GOLGA1: variants seen among roughly 807,000 people sequenced by gnomAD.
GOLGA1 encodes the protein golgin A1, also known as golgin subfamily A member 1.
Under a neutral mutation model 119.7 loss-of-function variants are expected in GOLGA1, and 63 were observed. The observed-to-expected ratio is 0.53, with a 90% confidence interval of 0.43 to 0.65. The LOEUF (loss-of-function observed/expected upper bound fraction) is 0.65, where lower values mean the gene tolerates loss of function less well. GOLGA1 is among the 30% of genes least tolerant of loss of function. GOLGA1 has a pLI of 0.00. For missense variants in GOLGA1, 798 were observed against 912.8 expected (o/e 0.87, Z 1.62); for synonymous variants, 318 against 333.4 (o/e 0.95, Z 0.50).
At chr9:124,914,334 A>G (rs1433552401) in intron 10 of GOLGA1, among the ~76,000 whole-genome samples, 1 of 152,124 alleles carries the variant, frequency 6.6e-6, no homozygotes, top group Non-Finnish European at 1.5e-5. Context: ...CATCTCTACT[A>G]AAAATACAAA....
chr9:124,938,732 G>A lies in GOLGA1; in HGVS notation c.-21C>T. The A allele has an allele frequency of 1.3e-5, 21 of 1,605,582 alleles. No homozygotes were observed. Among genetic ancestry groups the A allele is most frequent in the Non-Finnish European group, 1.8e-5 (21 of 1,175,812 alleles). On this transcript the variant is annotated 5_prime_UTR_variant, in exon 3 of 23. Coordinates refer to ENST00000373555, the MANE Select transcript of GOLGA1 (RefSeq NM_002077.4). The stretch of plus-strand genomic sequence containing the variant: ...AACATGTTTGCTGTGTGGCTATCCT[G>A]CACAGATGACGAGCTCTCAGTAGTC...
rs1829793896 is a variant in GOLGA1, at chr9:124,889,046, G to A, written c.1761+97C>T. The A allele has an allele frequency of 1.3e-5, 12 of 942,944 alleles. No homozygotes were observed. In the South Asian group the frequency reaches 1.8e-4, roughly 14 times the overall value. 58.4% of individuals were successfully genotyped at this position (942,944 alleles called of 1,614,324 possible). A position where few individuals can be genotyped will look rare whatever the true frequency, so the allele number is the denominator to read the frequency against. On this transcript the variant is annotated intron_variant, in intron 18 of 22. Transcript: ENST00000373555. Reference sequence around the variant, plus strand: ...GACCCTACATGCAGGGGAGCGTCGTGTCCACCATGTGTCCCCACTGCTGCC... The same window carrying A: ...GACCCTACATGCAGGGGAGCGTCGTATCCACCATGTGTCCCCACTGCTGCC...
At chr9:124,902,509 GAC>G (rs1354650287) in intron 12 of GOLGA1, among the ~76,000 whole-genome samples, 1 of 149,800 alleles carries the variant, frequency 6.7e-6, no homozygotes, top group Non-Finnish European at 1.5e-5. Context: ...TTCTTTTTGA[GAC>G]AGTCTTGCTC....
chr9:124,891,026 C>T (rs116585676), intron 15 of GOLGA1, among the ~76,000 whole-genome samples: 26 of 152,276 alleles, frequency 1.7e-4, no homozygotes, highest in African/African-American at 6.3e-4. Flanking sequence ...CATGGTGTCA[C>T]ATGCCTGTAG....
intron 10 of GOLGA1, among the ~76,000 whole-genome samples, chr9:124,915,639 C>T (rs12339899): frequency 0.11 from 17,317 of 151,932 alleles, 1,361 homozygotes; most frequent in Admixed American, 0.21. Context: ...TGCTTAAAGC[C>T]AGGAGATCAA....
intron 11 of GOLGA1, among the ~76,000 whole-genome samples, chr9:124,909,628 A>C (rs1414963530): frequency 6.8e-6 from 1 of 146,782 alleles, no homozygotes; most frequent in Non-Finnish European, 1.5e-5. Context: ...AAAAAAAAAA[A>C]GAAATGTAGA....
intron 3 of GOLGA1, among the ~76,000 whole-genome samples, chr9:124,936,381 T>G (rs1364240731): frequency 6.6e-6 from 1 of 152,104 alleles, no homozygotes; most frequent in Non-Finnish European, 1.5e-5. Flanking sequence ...ACAATTCAAA[T>G]GTCTATCGCC....
intron 10 of GOLGA1, among the ~76,000 whole-genome samples, chr9:124,913,866 G>T (rs769167100): frequency 6.6e-6 from 1 of 152,200 alleles, no homozygotes; most frequent in Non-Finnish European, 1.5e-5. Context: ...GGCAAGTCCA[G>T]GTGAAAGAGG....
chr9:124,905,983 C>T (rs1314841576), intron 12 of GOLGA1, among the ~76,000 whole-genome samples: 1 of 151,680 alleles, frequency 6.6e-6, no homozygotes, highest in African/African-American at 2.4e-5. Context: ...CGTGGTGGCA[C>T]GTGCCTGTAA....
At chr9:124,901,021 G>A (rs1830092756) in intron 12 of GOLGA1, among the ~76,000 whole-genome samples, 1 of 150,404 alleles carries the variant, frequency 6.6e-6, no homozygotes, top group Non-Finnish European at 1.5e-5. Context: ...GCCCAGGCTG[G>A]AGTGCAGTGG....
rs906755548 is a variant in GOLGA1 at position 124,879,891 on chromosome 9, G to A, written c.*639C>T. On this transcript the variant is annotated 3_prime_UTR_variant, in exon 23 of 23. Transcript: ENST00000373555. Reference sequence around the variant, plus strand: ...TAAGGGTCTTTTCATATATTTGCTAGTTTTCTTAAGTAAAGTGGAGATACT... The same window carrying A: ...TAAGGGTCTTTTCATATATTTGCTAATTTTCTTAAGTAAAGTGGAGATACT... 6.6e-6 allele frequency: 1 copy of A among 152,588 alleles called. No homozygotes were observed. Among genetic ancestry groups the A allele is most frequent in the Non-Finnish European group, 1.5e-5 (1 of 68,060 alleles). The allele number at this position is 152,588 out of a possible 1,614,324, so 9.5% of individuals were successfully genotyped here. A position where few individuals can be genotyped will look rare whatever the true frequency, so the allele number is the denominator to read the frequency against.
chr9:124,939,733 T>C (rs1830962912), intron 2 of GOLGA1, among the ~76,000 whole-genome samples: 1 of 152,012 alleles, frequency 6.6e-6, no homozygotes, highest in South Asian at 2.1e-4. Flanking sequence ...CGGCTTATTT[T>C]ATATTTTTAG....
chr9:124,919,320 G>A (rs1363557453), intron 10 of GOLGA1, among the ~76,000 whole-genome samples: 1 of 152,128 alleles, frequency 6.6e-6, no homozygotes, highest in African/African-American at 2.4e-5. Context: ...CTTCTTGTTT[G>A]AGCATTTCTT....
intron 10 of GOLGA1, among the ~76,000 whole-genome samples, chr9:124,918,622 G>A (rs905249959): frequency 1.3e-5 from 2 of 151,954 alleles, no homozygotes; most frequent in South Asian, 2.1e-4. Context: ...AAATTAGCCC[G>A]GTTGGTGCCT....
intron 12 of GOLGA1, among the ~76,000 whole-genome samples, chr9:124,901,678 G>A (rs1588071206): frequency 2.0e-5 from 3 of 151,920 alleles, no homozygotes; most frequent in Admixed American, 1.3e-4. Context: ...CTCGTGATCC[G>A]CCCACCTCGG....
chr9:124,935,816 T>C (rs1479020568), intron 3 of GOLGA1, among the ~76,000 whole-genome samples: 1 of 150,982 alleles, frequency 6.6e-6, no homozygotes, highest in African/African-American at 2.4e-5. Context: ...TGTTGACTGA[T>C]TGGACACCAA....
chr9:124,892,116 A>G (rs1829869237), intron 15 of GOLGA1, among the ~76,000 whole-genome samples: 1 of 152,096 alleles, frequency 6.6e-6, no homozygotes, highest in Non-Finnish European at 1.5e-5. Flanking sequence ...CACTATGCCC[A>G]GCTAATTTTT....
intron 19 of GOLGA1, among the ~76,000 whole-genome samples, chr9:124,882,941 TC>T (rs1482919878): frequency 2.6e-5 from 4 of 152,166 alleles, no homozygotes; most frequent in Admixed American, 1.3e-4. Context: ...TATGCTGTGA[TC>T]CCCAAGTAGG....
intron 7 of GOLGA1, among the ~76,000 whole-genome samples, chr9:124,926,508 T>C (rs553918446): frequency 2.6e-5 from 4 of 151,932 alleles, no homozygotes; most frequent in Admixed American, 6.6e-5. Context: ...GCAGAGTATA[T>C]CAAGAGGGGC....
Sources: allele counts gnomAD v4.1 joint callset (sites outside exome capture counted in the v4.1 genomes callset), GRCh38; gene constraint gnomAD v4.1.1; transcripts MANE v1.5; gene names NCBI Gene and HGNC (gene_info 2026-07-23, HGNC 2026-07-21).